RPS6KC1: variants seen among roughly 807,000 people sequenced by gnomAD.
The protein encoded by RPS6KC1 is ribosomal protein S6 kinase C1, also known as inactive ribosomal protein S6 kinase delta-1.
Under a neutral mutation model 103.8 loss-of-function variants are expected in RPS6KC1, and 54 were observed. The observed-to-expected ratio is 0.52, with a 90% CI of 0.42 to 0.65. RPS6KC1 has a LOEUF of 0.65. Among genes scored for constraint, RPS6KC1 ranks in the 30% least tolerant of loss-of-function variants. RPS6KC1 has a pLI of 0.00. For missense variants in RPS6KC1, 1,151 were observed against 1,253.8 expected (o/e 0.92, Z 1.24); for synonymous variants, 439 against 438.7 (o/e 1.00, Z -0.01).
chr1:213,630,689 T>A, the RPS6KC1 span, among the ~76,000 whole-genome samples: 1 of 152,240 alleles, frequency 6.6e-6, no homozygotes, highest in African/African-American at 2.4e-5. Flanking sequence ...TGCTCTGTTT[T>A]TTCCCCATCT....
chr1:213,662,916 TA>T, the RPS6KC1 span, among the ~76,000 whole-genome samples: 2 of 152,230 alleles, frequency 1.3e-5, no homozygotes, highest in Admixed American at 1.3e-4. Flanking sequence ...CTTCCATAAG[TA>T]GCCACCAATT....
chr1:213,654,494 C>A, the RPS6KC1 span, among the ~76,000 whole-genome samples: 23 of 152,172 alleles, frequency 1.5e-4, no homozygotes, highest in Admixed American at 9.8e-4. Flanking sequence ...TAAAGCATTA[C>A]AGCTTTAAGT....
chr1:213,738,946 G>T, the RPS6KC1 span, among the ~76,000 whole-genome samples: 1,500 of 150,120 alleles, frequency 1.0e-2, 31 homozygotes, highest in East Asian at 0.082. Flanking sequence ...TTTTTAAATG[G>T]AAGAATTTAG....
At chr1:213,661,867 G>A in the RPS6KC1 span, among the ~76,000 whole-genome samples, 2 of 152,118 alleles carry the variant, frequency 1.3e-5, no homozygotes, top group Admixed American at 6.5e-5. Flanking sequence ...ATGGTTAGAA[G>A]GATCACAACT....
chr1:213,658,349 G>A, the RPS6KC1 span, among the ~76,000 whole-genome samples: 3 of 152,246 alleles, frequency 2.0e-5, no homozygotes, highest in Middle Eastern at 3.4e-3. Flanking sequence ...GAGGTGAAGC[G>A]GCTAAGTCAA....
the RPS6KC1 span, among the ~76,000 whole-genome samples, chr1:213,413,100 G>C: frequency 3.9e-5 from 6 of 152,128 alleles, no homozygotes. Flanking sequence ...ACGATGTGAC[G>C]GAGTATGTGT....
the RPS6KC1 span, among the ~76,000 whole-genome samples, chr1:213,317,848 A>G: frequency 1.3e-5 from 2 of 152,222 alleles, no homozygotes; most frequent in African/African-American, 4.8e-5. Flanking sequence ...AACATATCCC[A>G]TGGGTCTCCA....
chr1:213,841,018 C>A, the RPS6KC1 span: 2 of 152,170 alleles, frequency 1.3e-5, no homozygotes, highest in Admixed American at 6.6e-5. Context: ...TTTTAGGCTG[C>A]CCCTCTCTGC....
chr1:213,508,228 A>T, the RPS6KC1 span, among the ~76,000 whole-genome samples: 4 of 152,236 alleles, frequency 2.6e-5, no homozygotes, highest in Non-Finnish European at 5.9e-5. Flanking sequence ...GGATTAATAT[A>T]ATAGATATGC....
At chr1:213,101,586 A>C (rs2082024164) in intron 3 of RPS6KC1, among the ~76,000 whole-genome samples, 1 of 152,172 alleles carries the variant, frequency 6.6e-6, no homozygotes, top group Non-Finnish European at 1.5e-5. Flanking sequence ...TTTCAGATAG[A>C]AATAAGATCT....
the RPS6KC1 span, among the ~76,000 whole-genome samples, chr1:213,741,428 G>A: frequency 3.9e-5 from 6 of 151,926 alleles, no homozygotes; most frequent in Admixed American, 2.0e-4. Context: ...GATTAAAGGC[G>A]CCGCTCCAGA....
At chr1:213,157,095 T>C (rs913153577) in intron 6 of RPS6KC1, among the ~76,000 whole-genome samples, 2 of 152,222 alleles carry the variant, frequency 1.3e-5, no homozygotes, top group Non-Finnish European at 1.5e-5. Flanking sequence ...TTAGATATAT[T>C]GCTTTCATTT....
the RPS6KC1 span, among the ~76,000 whole-genome samples, chr1:213,500,014 C>G: frequency 6.6e-6 from 1 of 152,104 alleles, no homozygotes; most frequent in African/African-American, 2.4e-5. Flanking sequence ...CTGCTATAGA[C>G]TTTATAAGGA....
At chr1:213,684,014 C>A in the RPS6KC1 span, among the ~76,000 whole-genome samples, 1 of 152,176 alleles carries the variant, frequency 6.6e-6, no homozygotes. Flanking sequence ...TCAGTTTCAG[C>A]CTTGAAGCAT....
intron 6 of RPS6KC1, among the ~76,000 whole-genome samples, chr1:213,136,355 C>G (rs1014873840): frequency 6.6e-6 from 1 of 152,104 alleles, no homozygotes; most frequent in Non-Finnish European, 1.5e-5. Flanking sequence ...ATTTGGTCAT[C>G]CCTGGGAAGG....
intron 8 of RPS6KC1, among the ~76,000 whole-genome samples, chr1:213,203,033 A>C (rs146610155): frequency 6.6e-6 from 1 of 151,752 alleles, no homozygotes; most frequent in Admixed American, 6.6e-5. Flanking sequence ...AGAGTTGGAG[A>C]TTATGGGTCA....
chr1:213,792,415 C>T, the RPS6KC1 span, among the ~76,000 whole-genome samples: 1 of 152,114 alleles, frequency 6.6e-6, no homozygotes, highest in Non-Finnish European at 1.5e-5. Context: ...CTGGCCAGCT[C>T]TACCTGAAGT....
At chr1:213,566,656 C>T in the RPS6KC1 span, among the ~76,000 whole-genome samples, 2 of 151,470 alleles carry the variant, frequency 1.3e-5, no homozygotes, top group Non-Finnish European at 2.9e-5. Flanking sequence ...TCAGATCTTT[C>T]ATTCCTCAGA....
the RPS6KC1 span, among the ~76,000 whole-genome samples, chr1:213,736,030 G>C: frequency 2.0e-5 from 3 of 152,172 alleles, no homozygotes; most frequent in African/African-American, 4.8e-5. Context: ...CCACTTTCTT[G>C]GTAGGGATGC....
Sources: gnomAD v4.1 joint callset for allele counts (sites outside exome capture counted in the v4.1 genomes callset) on GRCh38, gnomAD v4.1.1 for gene constraint, MANE v1.5 for transcripts, NCBI Gene and HGNC (gene_info 2026-07-23, HGNC 2026-07-21) for gene names.